NRXN3: variants seen among roughly 807,000 people sequenced by gnomAD.
NRXN3 encodes neurexin 3.
In NRXN3, 32 loss-of-function variants were observed where a neutral mutation model predicts 137.6. The ratio of observed to expected loss-of-function variants is 0.23; its 90% CI spans 0.18 to 0.31. NRXN3 has a LOEUF of 0.31. Ranked by LOEUF, NRXN3 falls within the 10% of genes least tolerant of loss-of-function variation. NRXN3 has a pLI of 1.00. For missense variants in NRXN3, 1,574 were observed against 2,062.5 expected (o/e 0.76, Z 4.59); for synonymous variants, 798 against 784.5 (o/e 1.02, Z -0.29).
chr14:79,158,467 T>C (rs915236670), intron 15 of NRXN3, among the ~76,000 whole-genome samples: 1 of 151,758 alleles, frequency 6.6e-6, no homozygotes, highest in African/African-American at 2.4e-5. Context: ...AACAAAGAAA[T>C]ATTATTTGGA....
intron 19 of NRXN3, among the ~76,000 whole-genome samples, chr14:79,767,305 G>T (rs1217117745): frequency 1.3e-5 from 2 of 152,098 alleles, no homozygotes; most frequent in Non-Finnish European, 2.9e-5. Flanking sequence ...CCAACAAAGG[G>T]CTTTTGCATG....
intron 4 of NRXN3, among the ~76,000 whole-genome samples, chr14:78,490,822 A>G (rs1284264031): frequency 6.6e-6 from 1 of 152,208 alleles, no homozygotes; most frequent in African/African-American, 2.4e-5. Flanking sequence ...ACCAAGGCAC[A>G]GACAGAGTAG....
intron 15 of NRXN3, among the ~76,000 whole-genome samples, chr14:79,147,914 G>A (rs992258026): frequency 6.6e-6 from 1 of 152,126 alleles, no homozygotes; most frequent in South Asian, 2.1e-4. Context: ...TTGCCACTGC[G>A]CTGAAAATGG....
chr14:78,912,647 T>A (rs1345133319), intron 10 of NRXN3, among the ~76,000 whole-genome samples: 1 of 152,134 alleles, frequency 6.6e-6, no homozygotes, highest in Admixed American at 6.5e-5. Flanking sequence ...ACTTGGAGGA[T>A]CATTTATTCT....
chr14:79,781,054 A>T (rs537445187), intron 19 of NRXN3, among the ~76,000 whole-genome samples: 34 of 66,108 alleles, frequency 5.1e-4, no homozygotes, highest in Non-Finnish European at 9.2e-4. Flanking sequence ...TTTTTTTTTT[A>T]AATAATTAAC....
intron 15 of NRXN3, among the ~76,000 whole-genome samples, chr14:79,079,988 A>G (rs980953369): frequency 6.6e-6 from 1 of 152,164 alleles, no homozygotes; most frequent in Non-Finnish European, 1.5e-5. Context: ...ACTCCATCTC[A>G]AAAGAAAAAG....
Position 79,862,403 on chromosome 14 carries a change from T to G in NRXN3, c.*439T>G, listed in dbSNP as rs1343365978. 6.5e-6 allele frequency: 1 copy of G among 152,992 alleles called. No individual in the cohort carries two copies. Among genetic ancestry groups the G allele is most frequent in the Non-Finnish European group, 1.5e-5 (1 of 68,552 alleles). The allele number at this position is 152,992 out of a possible 1,614,324, so 9.5% of individuals were successfully genotyped here. On this transcript the variant is annotated 3_prime_UTR_variant, in exon 21 of 21. Coordinates refer to ENST00000335750, the MANE Select transcript of NRXN3 (RefSeq NM_001330195.2). Reference sequence around the variant, plus strand: ...AGCTTGACTGTAACCATGTTTTTTCTGTTTAATTATGTAAAAAACAAAACT... The same window carrying G: ...AGCTTGACTGTAACCATGTTTTTTCGGTTTAATTATGTAAAAAACAAAACT...
intron 14 of NRXN3, among the ~76,000 whole-genome samples, chr14:78,982,708 A>G (rs2099492532): frequency 6.6e-6 from 1 of 152,194 alleles, no homozygotes; most frequent in East Asian, 1.9e-4. Context: ...GAAAACGTAC[A>G]GGAAGTGCTC....
intron 17 of NRXN3, among the ~76,000 whole-genome samples, chr14:79,667,399 C>T (rs1420356195): frequency 6.6e-6 from 1 of 151,878 alleles, no homozygotes; most frequent in African/African-American, 2.4e-5. Flanking sequence ...GGAATTGTTC[C>T]TGCCTACAAG....
chr14:78,738,499 T>A (rs552949724), intron 8 of NRXN3, among the ~76,000 whole-genome samples: 75 of 152,176 alleles, frequency 4.9e-4, no homozygotes, highest in African/African-American at 1.7e-3. Flanking sequence ...TGTCCGTGGC[T>A]CCCATCTGTG....
intron 16 of NRXN3, among the ~76,000 whole-genome samples, chr14:79,504,710 TAA>T (rs1339616969): frequency 6.9e-6 from 1 of 145,546 alleles, no homozygotes; most frequent in Non-Finnish European, 1.5e-5. Flanking sequence ...CATGATGAAA[TAA>T]AAGTGTTTCA....
chr14:78,202,628 C>T lies in NRXN3; in HGVS notation c.-704+31954C>T, dbSNP rs528147787. Among the ~76,000 whole-genome samples the T allele has an allele frequency of 3.9e-5, 6 of 152,248 alleles. No homozygotes were observed. The South Asian group carries it at 1.0e-3, about 26-fold the overall frequency. On this transcript the variant is annotated intron_variant, in intron 1 of 20. Transcript: ENST00000335750. ...GCTTTCTGTTTCTATGTGTGTTGGCCAGGTGGGCTAAACAGATCTCTCATA... is the reference window on the plus strand; with the variant it reads ...GCTTTCTGTTTCTATGTGTGTTGGCTAGGTGGGCTAAACAGATCTCTCATA...
chr14:79,135,108 A>C (rs2058085618), intron 15 of NRXN3, among the ~76,000 whole-genome samples: 1 of 152,204 alleles, frequency 6.6e-6, no homozygotes, highest in African/African-American at 2.4e-5. Flanking sequence ...GGTACATGAT[A>C]TGGAATGAGA....
At chr14:78,443,512 A>G (rs1048546816) in intron 4 of NRXN3, among the ~76,000 whole-genome samples, 1 of 152,140 alleles carries the variant, frequency 6.6e-6, no homozygotes, top group African/African-American at 2.4e-5. Context: ...TATAGTTTAT[A>G]TTTGTACCTT....
At chr14:79,353,188 A>G (rs187700013) in intron 15 of NRXN3, among the ~76,000 whole-genome samples, 4 of 151,974 alleles carry the variant, frequency 2.6e-5, no homozygotes, top group South Asian at 2.1e-4. Flanking sequence ...TTCATTCAAT[A>G]TAATTTTTTT....
intron 15 of NRXN3, among the ~76,000 whole-genome samples, chr14:79,101,881 T>C (rs2051366492): frequency 6.6e-6 from 1 of 151,844 alleles, no homozygotes; most frequent in Non-Finnish European, 1.5e-5. Context: ...GAAAAGAAGG[T>C]AAACACAGAG....
At chr14:79,526,823 T>C (rs1470584905) in intron 16 of NRXN3, among the ~76,000 whole-genome samples, 2 of 152,146 alleles carry the variant, frequency 1.3e-5, no homozygotes, top group Non-Finnish European at 2.9e-5. Flanking sequence ...GCCACTCCAC[T>C]ATATCTACTA....
rs34790053 is a variant in NRXN3 at position 78,307,202 on chromosome 14, GTT to G, written c.757+9353_757+9354del. 4.5e-3 allele frequency among the ~76,000 whole-genome samples: 666 copies of G among 147,394 alleles called. 4 individuals are homozygous for G. Among genetic ancestry groups the G allele is most frequent in the African/African-American group, 9.6e-3 (387 of 40,426 alleles). ...ATGCTCTTAAGCATACAGCTTAAAGGTTTTTTTTTTTTAACCTGTATATACCC... is the reference window on the plus strand; with the variant it reads ...ATGCTCTTAAGCATACAGCTTAAAGGTTTTTTTTTTAACCTGTATATACCC... On this transcript the variant is annotated intron_variant, in intron 4 of 20. Coordinates refer to ENST00000335750, the MANE Select transcript of NRXN3 (RefSeq NM_001330195.2).
At chr14:78,591,921 A>T (rs1341670151) in intron 4 of NRXN3, among the ~76,000 whole-genome samples, 2 of 152,022 alleles carry the variant, frequency 1.3e-5, no homozygotes, top group Non-Finnish European at 2.9e-5. Flanking sequence ...GCATTTTCCT[A>T]CCCTTCCTGT....
Sources: gnomAD v4.1 joint callset for allele counts (sites outside exome capture counted in the v4.1 genomes callset) on GRCh38, gnomAD v4.1.1 for gene constraint, MANE v1.5 for transcripts, NCBI Gene and HGNC (gene_info 2026-07-23, HGNC 2026-07-21) for gene names.